TAF2: variants seen among roughly 807,000 people sequenced by gnomAD.
TAF2 encodes TATA-box binding protein associated factor 2.
Under a neutral mutation model 138.5 loss-of-function variants are expected in TAF2, and 61 were observed. The observed-to-expected ratio is 0.44, with a 90% confidence interval of 0.36 to 0.54. The LOEUF is 0.54. Ranked by LOEUF, TAF2 falls within the 20% of genes least tolerant of loss-of-function variation. TAF2 has a pLI of 0.00. For missense variants in TAF2, 1,090 were observed against 1,427.9 expected, an observed-to-expected ratio of 0.76 and a Z score of 3.81; for synonymous variants, 475 against 469.9, an observed-to-expected ratio of 1.01 and a Z score of -0.14.
intron 22 of TAF2, among the ~76,000 whole-genome samples, chr8:119,750,579 A>C (rs1006941805): frequency 3.3e-5 from 5 of 152,060 alleles, no homozygotes; most frequent in African/African-American, 1.2e-4. Flanking sequence ...ATTTCTATTT[A>C]TGTGTGTGTG....
At chr8:119,761,429 G>A (rs1821054717) in intron 19 of TAF2, among the ~76,000 whole-genome samples, 3 of 152,098 alleles carry the variant, frequency 2.0e-5, no homozygotes, top group Admixed American at 2.0e-4. Flanking sequence ...ACATATCCCT[G>A]TTGTTAAGTG....
intron 23 of TAF2, 167 bp from the exon 24 acceptor site, chr8:119,744,560 T>C: frequency 1.5e-6 from 1 of 659,548 alleles, no homozygotes; most frequent in Non-Finnish European, 2.6e-6. Context: ...AAAGAAAAGA[T>C]TATGTGGTCC....
At position 119,783,417 on chromosome 8, in the gene TAF2, G is replaced by A. The variant is rs748373725; in HGVS notation, c.2076C>T (p.Tyr692=). ...TDILEQEQCF[Y]RVRMSACFCL... Reference sequence around the variant, plus strand: ...AGAAGCAAGCTGACATTCTTACTCTGTAGAAACACTGCTCTTGTTCTAATA... The same window carrying A: ...AGAAGCAAGCTGACATTCTTACTCTATAGAAACACTGCTCTTGTTCTAATA... Residue 692 remains tyrosine (Y), a synonymous_variant, in exon 16 of 26, where the codon TAC becomes TAT. Coordinates refer to ENST00000378164, the MANE Select transcript of TAF2 (RefSeq NM_003184.4). 2 of 1,613,966 alleles carry A rather than the reference G, an allele frequency of 1.2e-6. No individual in the cohort carries two copies. Among genetic ancestry groups the A allele is most frequent in the East Asian group, 2.2e-5 (1 of 44,880 alleles).
chr8:119,762,311 T>C, intron 19 of TAF2, 104 bp downstream of exon 19: 1 of 1,125,174 alleles, frequency 8.9e-7, no homozygotes, highest in Non-Finnish European at 1.3e-6. Context: ...GAATTTTAGT[T>C]TTCTCATTTT....
At chr8:119,781,700 C>CT (rs760154157) in intron 16 of TAF2, among the ~76,000 whole-genome samples, 1,503 of 144,910 alleles carry the variant, frequency 0.01, 19 homozygotes, top group African/African-American at 0.032. Flanking sequence ...TATTTTTCCT[C>CT]TTTTTTTTTT....
At chr8:119,810,603 C>A (rs1824985007) in intron 3 of TAF2, among the ~76,000 whole-genome samples, 1 of 152,192 alleles carries the variant, frequency 6.6e-6, no homozygotes. Flanking sequence ...GCATTGCCAT[C>A]AGCAAGATCT....
rs758437266 is a variant in TAF2 at position 119,732,208 on chromosome 8, A to C, written c.3338-22T>G. 8.1e-6 allele frequency: 13 copies of C among 1,607,614 alleles called. No homozygotes were observed. In the Admixed American group the frequency reaches 2.0e-4, roughly 25 times the overall value. ...TTACCTTCAAGATTAAAAATACCCA[A>C]ATGAATTCCTGCTGATGATACGGAA... On this transcript the variant is annotated intron_variant, in intron 25 of 25. Transcript: ENST00000378164.
chr8:119,797,100 T>C lies in TAF2; in HGVS notation c.981A>G (p.Thr327=). The C allele has an allele frequency of 6.2e-7, 1 of 1,606,374 alleles. No homozygotes were observed. Among genetic ancestry groups the C allele is most frequent in the South Asian group, 1.1e-5 (1 of 90,896 alleles). Residue 327 remains threonine (T), a synonymous_variant, in exon 8 of 26, where the codon ACA becomes ACG. Transcript: ENST00000378164. ...AAYASMSIFS[T]NLLHSAMIID... is the part of the protein sequence containing the mutation. ...TAATCATGGCACTGTGTAAAAGATT[T>C]GTGCTGGAATTTAAAAGAGAAGAAA...
At chr8:119,815,421 CCT>C (rs1825391282) in intron 3 of TAF2, among the ~76,000 whole-genome samples, 1 of 151,680 alleles carries the variant, frequency 6.6e-6, no homozygotes, top group African/African-American at 2.4e-5. Flanking sequence ...ACTACAGGCG[CCT>C]GCCACCACAC....
intron 21 of TAF2, 56 bp downstream of exon 21, chr8:119,758,017 A>C: frequency 7.2e-7 from 1 of 1,390,622 alleles, no homozygotes; most frequent in Non-Finnish European, 1.0e-6. Context: ...ATCTGAAATT[A>C]CTCAGTTCAC....
Position 119,797,712 on chromosome 8 carries a change from A to T in TAF2, c.927T>A (p.Ile309=). The change falls in exon 7 of 26, where the codon ATT becomes ATA. Residue 309 remains isoleucine, a synonymous_variant. Coordinates refer to ENST00000378164, the MANE Select transcript of TAF2 (RefSeq NM_003184.4). ...CAGCCACTTCAACATAAGCCTCATCAATGAAGACAGTCTTAAAACAGGAGT... is the reference window on the plus strand; with the variant it reads ...CAGCCACTTCAACATAAGCCTCATCTATGAAGACAGTCTTAAAACAGGAGT... ...YPYSCFKTVF[I]DEAYVEVAAY... The T allele has an allele frequency of 6.2e-7, 1 of 1,613,644 alleles. No homozygotes were observed. Among genetic ancestry groups the T allele is most frequent in the Non-Finnish European group, 8.5e-7 (1 of 1,179,728 alleles).
chr8:119,771,565 T>C (rs1161436447), intron 18 of TAF2, among the ~76,000 whole-genome samples: 3 of 152,080 alleles, frequency 2.0e-5, no homozygotes, highest in East Asian at 1.9e-4. Flanking sequence ...TCAGATAAAA[T>C]AGACTTTAAA....
In TAF2 at chr8:119,785,319, G is replaced by T; in HGVS notation, c.1794-53C>A. 2.4e-6 allele frequency: 3 copies of T among 1,250,318 alleles called. No individual in the cohort carries two copies. The South Asian group carries it at 3.6e-5, about 15-fold the overall frequency. The allele number at this position is 1,250,318 out of a possible 1,614,324, so 77.5% of individuals were successfully genotyped here. On this transcript the variant is annotated intron_variant, in intron 14 of 25. Coordinates refer to ENST00000378164, the MANE Select transcript of TAF2 (RefSeq NM_003184.4). ...AATTGTGAGATTTCTAATTCTGAAT[G>T]GACATTAACAGCAGCTAAAATTCAA... is the stretch of plus-strand genomic sequence containing the variant.
rs542975832 is a variant in TAF2, at chr8:119,797,989, A to C, written c.793-143T>G. On this transcript the variant is annotated intron_variant, in intron 6 of 25. Transcript: ENST00000378164. ...CAAGATGCTGAAAGAAAATGTTGTG[A>C]AAATAGTGATCACTTTTACTGATCA... is the stretch of plus-strand genomic sequence containing the variant. The C allele has an allele frequency of 1.3e-5, 11 of 819,232 alleles. 1 individual carries two copies. The highest frequency in any genetic ancestry group is 5.3e-5 in the Admixed American group (2 of 38,016). 50.7% of individuals were successfully genotyped at this position (819,232 alleles called of 1,614,324 possible). A position where few individuals can be genotyped will look rare whatever the true frequency, so the allele number is the denominator to read the frequency against.
intron 18 of TAF2, among the ~76,000 whole-genome samples, chr8:119,768,556 T>C (rs934852171): frequency 6.6e-6 from 1 of 152,242 alleles, no homozygotes; most frequent in South Asian, 2.1e-4. Flanking sequence ...TTTGAATGTA[T>C]TGAGACTTGC....
intron 18 of TAF2, among the ~76,000 whole-genome samples, chr8:119,764,521 G>A (rs1421428535): frequency 1.3e-5 from 2 of 152,144 alleles, no homozygotes; most frequent in African/African-American, 4.8e-5. Context: ...AAGTAACATG[G>A]TAATACTAAA....
chr8:119,809,893 A>C (rs1824918213), intron 3 of TAF2, among the ~76,000 whole-genome samples: 2 of 151,948 alleles, frequency 1.3e-5, no homozygotes, highest in Non-Finnish European at 2.9e-5. Flanking sequence ...AAATATTGCA[A>C]GAATTACAAA....
At chr8:119,807,646 T>C (rs901443803) in intron 3 of TAF2, among the ~76,000 whole-genome samples, 1 of 152,086 alleles carries the variant, frequency 6.6e-6, no homozygotes, top group Non-Finnish European at 1.5e-5. Context: ...AAGTTTTAGC[T>C]GGACACGGTG....
chr8:119,811,329 A>G (rs532454499), intron 3 of TAF2, among the ~76,000 whole-genome samples: 2 of 152,324 alleles, frequency 1.3e-5, no homozygotes, highest in South Asian at 2.1e-4. Context: ...TTCAGTTTCA[A>G]TTATTTGTAA....
Sources: gnomAD v4.1 joint callset for allele counts (sites outside exome capture counted in the v4.1 genomes callset) on GRCh38, gnomAD v4.1.1 for gene constraint, MANE v1.5 for transcripts, NCBI Gene and HGNC (gene_info 2026-07-23, HGNC 2026-07-21) for gene names.